The following CPED1 variants were observed in gnomAD, a reference collection of about 807,000 sequenced individuals.
CPED1 encodes the protein cadherin-like and PC-esterase domain-containing protein 1.
Under a neutral mutation model 128.2 loss-of-function variants are expected in CPED1, and 114 were observed. The observed-to-expected ratio is 0.89, with a 90% CI of 0.76 to 1.04. The LOEUF is 1.04. CPED1 is among the 50% of genes least tolerant of loss of function. CPED1 has a pLI of 0.00. For missense variants in CPED1, 1,211 were observed against 1,207.1 expected, an observed-to-expected ratio of 1.00 and a Z score of -0.05; for synonymous variants, 462 against 426.7, an observed-to-expected ratio of 1.08 and a Z score of -1.02.
intron 7 of CPED1, among the ~76,000 whole-genome samples, chr7:121,111,775 T>A (rs1331757237): frequency 6.6e-6 from 1 of 152,194 alleles, no homozygotes; most frequent in Non-Finnish European, 1.5e-5. Context: ...GAGAAGGAGA[T>A]GCGGGCTCCA....
intron 16 of CPED1, among the ~76,000 whole-genome samples, chr7:121,208,948 A>G (rs747404027): frequency 6.6e-6 from 1 of 152,102 alleles, no homozygotes; most frequent in Non-Finnish European, 1.5e-5. Flanking sequence ...GTGTATTCAA[A>G]GAATACATGA....
chr7:121,256,111 C>CAAAAAAA (rs1286167648), intron 18 of CPED1, among the ~76,000 whole-genome samples: 54 of 34,114 alleles, frequency 1.6e-3, no homozygotes, highest in African/African-American at 3.4e-3. Context: ...CAATCCTAAG[C>CAAAAAAA]AAAAAAAAAA....
chr7:121,069,294 C>T (rs938223202), intron 5 of CPED1, among the ~76,000 whole-genome samples: 3 of 152,134 alleles, frequency 2.0e-5, no homozygotes, highest in Admixed American at 1.3e-4. Flanking sequence ...CTTACTTGTA[C>T]TTCAGTTTTC....
chr7:121,274,917 C>A, intron 22 of CPED1, among the ~76,000 whole-genome samples: 1 of 152,070 alleles, frequency 6.6e-6, no homozygotes, highest in East Asian at 1.9e-4. Context: ...AAAAATTCTG[C>A]TGATAACCTT....
rs1463652428 is a variant in CPED1, at chr7:121,279,515, C to A, written c.2868+8085C>A. Among the ~76,000 whole-genome samples, 5 of 151,210 alleles carry A rather than the reference C, an allele frequency of 3.3e-5. No homozygotes were observed. In the East Asian group the frequency reaches 9.7e-4, roughly 29 times the overall value. On this transcript the variant is annotated intron_variant, in intron 22 of 22. Coordinates refer to ENST00000310396, the MANE Select transcript of CPED1 (RefSeq NM_024913.5). ...CAAGAAATCTGAATTCATTTGAATT[C>A]ATTCTATGAAGTTTGACTTAGCAGG...
intron 8 of CPED1, among the ~76,000 whole-genome samples, chr7:121,125,049 T>C (rs1795472641): frequency 6.6e-6 from 1 of 152,150 alleles, no homozygotes; most frequent in African/African-American, 2.4e-5. Context: ...GTAGGAGAGT[T>C]TTCTTCTTCG....
intron 18 of CPED1, among the ~76,000 whole-genome samples, chr7:121,265,851 T>C (rs1177544654): frequency 6.6e-6 from 1 of 152,040 alleles, no homozygotes; most frequent in Non-Finnish European, 1.5e-5. Context: ...ATCTGTAAAA[T>C]AAAGAGATTG....
intron 22 of CPED1, among the ~76,000 whole-genome samples, chr7:121,273,276 A>G (rs534794974): frequency 5.3e-5 from 8 of 151,972 alleles, no homozygotes; most frequent in African/African-American, 1.9e-4. Context: ...TAATCTCAGC[A>G]CTTTGGGAGG....
At chr7:121,177,108 AT>A (rs1796800705) in intron 16 of CPED1, among the ~76,000 whole-genome samples, 1 of 152,046 alleles carries the variant, frequency 6.6e-6, no homozygotes, top group Non-Finnish European at 1.5e-5. Context: ...ATGCATTCTC[AT>A]TCCCAGAAGG....
intron 16 of CPED1, among the ~76,000 whole-genome samples, chr7:121,201,937 GA>G (rs1053555993): frequency 6.6e-6 from 1 of 152,062 alleles, no homozygotes; most frequent in African/African-American, 2.4e-5. Context: ...AACAAATATG[GA>G]ACAAAATTGA....
intron 22 of CPED1, among the ~76,000 whole-genome samples, chr7:121,279,209 G>A (rs1378318248): frequency 1.3e-5 from 2 of 151,918 alleles, no homozygotes; most frequent in Non-Finnish European, 2.9e-5. Context: ...TTAGCTTAGT[G>A]TGACCCAGTT....
chr7:121,201,760 G>A (rs971760629), intron 16 of CPED1, among the ~76,000 whole-genome samples: 4 of 151,860 alleles, frequency 2.6e-5, no homozygotes, highest in Non-Finnish European at 4.4e-5. Flanking sequence ...TTCATCTTCC[G>A]TCCTCCTCTC....
intron 16 of CPED1, among the ~76,000 whole-genome samples, chr7:121,185,814 C>A (rs1378135298): frequency 1.3e-5 from 2 of 152,180 alleles, no homozygotes; most frequent in African/African-American, 2.4e-5. Context: ...AGATGCACAG[C>A]ATGCTGCTGC....
intron 7 of CPED1, among the ~76,000 whole-genome samples, chr7:121,111,895 A>G (rs1361658182): frequency 6.6e-6 from 1 of 152,148 alleles, no homozygotes; most frequent in African/African-American, 2.4e-5. Context: ...CTTCAAATAA[A>G]CATTTATTAT....
intron 2 of CPED1, among the ~76,000 whole-genome samples, chr7:120,999,935 A>G (rs930591260): frequency 6.6e-6 from 1 of 152,180 alleles, no homozygotes; most frequent in Non-Finnish European, 1.5e-5. Flanking sequence ...TAATCATTTT[A>G]TAAGTGTCAT....
intron 22 of CPED1, among the ~76,000 whole-genome samples, chr7:121,281,139 T>C (rs1792452022): frequency 6.6e-6 from 1 of 152,192 alleles, no homozygotes; most frequent in Non-Finnish European, 1.5e-5. Context: ...TCTTTGTGGG[T>C]TATTCAGGTC....
chr7:121,068,350 A>G (rs938251076), intron 5 of CPED1, among the ~76,000 whole-genome samples: 1 of 152,180 alleles, frequency 6.6e-6, no homozygotes, highest in Non-Finnish European at 1.5e-5. Flanking sequence ...CAGTTTTCCC[A>G]GCACCATCTA....
chr7:121,131,384 CAGA>C (rs1795660709), intron 12 of CPED1, among the ~76,000 whole-genome samples: 1 of 151,856 alleles, frequency 6.6e-6, no homozygotes, highest in African/African-American at 2.4e-5. Context: ...TAACATACTT[CAGA>C]GACACTTTGT....
chr7:121,237,244 G>T (rs769622778), intron 17 of CPED1, among the ~76,000 whole-genome samples: 2 of 152,212 alleles, frequency 1.3e-5, no homozygotes, highest in African/African-American at 4.8e-5. Flanking sequence ...CTTCATGAGG[G>T]CAGAGAGCCT....
Sources: gnomAD v4.1 joint callset for allele counts (sites outside exome capture counted in the v4.1 genomes callset) on GRCh38, gnomAD v4.1.1 for gene constraint, MANE v1.5 for transcripts, NCBI Gene and HGNC (gene_info 2026-07-23, HGNC 2026-07-21) for gene names.